The following ACSM1 variants were observed in gnomAD, a reference collection of about 807,000 sequenced individuals.
The protein encoded by ACSM1 is acyl-CoA synthetase medium chain family member 1.
In ACSM1, 79 loss-of-function variants were observed where a neutral mutation model predicts 75.8. That is an observed-to-expected ratio of 1.04 (90% CI 0.87 to 1.26). The LOEUF is 1.26. Among genes scored for constraint, ACSM1 ranks in the 50% most tolerant of loss-of-function variants. ACSM1 has a pLI of 0.00. For missense variants in ACSM1, 676 were observed against 720.1 expected (o/e 0.94, Z 0.70); for synonymous variants, 279 against 265.8 (o/e 1.05, Z -0.48).
At chr16:20,687,750 CAA>C (rs2079578956) in intron 2 of ACSM1, among the ~76,000 whole-genome samples, 1 of 151,944 alleles carries the variant, frequency 6.6e-6, no homozygotes, top group African/African-American at 2.4e-5. Flanking sequence ...TATATATGAA[CAA>C]AATAACAATA....
intron 7 of ACSM1, among the ~76,000 whole-genome samples, chr16:20,645,412 GA>G (rs1327049096): frequency 1.3e-5 from 2 of 152,182 alleles, no homozygotes; most frequent in Non-Finnish European, 2.9e-5. Context: ...GTATTCTGGA[GA>G]ATTCAGGCCA....
Position 20,676,626 on chromosome 16 carries a change from G to C in ACSM1, c.612-4955C>G, listed in dbSNP as rs540043048. Among the ~76,000 whole-genome samples the C allele has an allele frequency of 1.0e-3, 152 of 152,270 alleles. 1 individual carries two copies. The highest frequency in any genetic ancestry group is 3.5e-3 in the African/African-American group (146 of 41,544). On this transcript the variant is annotated intron_variant, in intron 4 of 13. Coordinates refer to ENST00000520010, the MANE Select transcript of ACSM1 (RefSeq NM_001318890.3). ...AGGAGGCAGAGAAGAAAGCTGATCA[G>C]AGGCTTAACAAAGGCTAATTTACTA...
chr16:20,664,154 T>TTTAC (rs1254382014), intron 6 of ACSM1, among the ~76,000 whole-genome samples: 2 of 150,294 alleles, frequency 1.3e-5, no homozygotes, highest in African/African-American at 4.9e-5. Flanking sequence ...ATAGTATTTA[T>TTTAC]TTATTTATTT....
intron 10 of ACSM1, among the ~76,000 whole-genome samples, chr16:20,629,955 G>A (rs947213417): frequency 7.2e-5 from 10 of 139,136 alleles, no homozygotes; most frequent in Non-Finnish European, 1.5e-4. Context: ...TCGCACCACT[G>A]CACTGCAGCC....
At chr16:20,693,922 G>A (rs2079676217) in intron 1 of ACSM1, among the ~76,000 whole-genome samples, 1 of 152,142 alleles carries the variant, frequency 6.6e-6, no homozygotes, top group African/African-American at 2.4e-5. Context: ...TCTCTTAAAA[G>A]CAAAATTTAT....
intron 11 of ACSM1, among the ~76,000 whole-genome samples, chr16:20,626,212 C>A (rs2152181519): frequency 6.6e-6 from 1 of 152,104 alleles, no homozygotes; most frequent in Non-Finnish European, 1.5e-5. Context: ...ATGGTGAAAC[C>A]CCATCTCTAC....
At chr16:20,695,445 A>C (rs1385837316) in intron 1 of ACSM1, among the ~76,000 whole-genome samples, 2 of 152,190 alleles carry the variant, frequency 1.3e-5, no homozygotes, top group Non-Finnish European at 2.9e-5. Context: ...CAGAGGAAAA[A>C]AATTTCCTTA....
At chr16:20,645,671 T>A (rs190121881) in intron 7 of ACSM1, among the ~76,000 whole-genome samples, 3 of 152,272 alleles carry the variant, frequency 2.0e-5, no homozygotes, top group Non-Finnish European at 2.9e-5. Flanking sequence ...AATGATAGGA[T>A]GACAACAGAG....
At chr16:20,637,874 C>T (rs988272755) in intron 8 of ACSM1, among the ~76,000 whole-genome samples, 1 of 152,224 alleles carries the variant, frequency 6.6e-6, no homozygotes, top group Non-Finnish European at 1.5e-5. Context: ...GATTCTGCCA[C>T]AACTTCTTGA....
intron 7 of ACSM1, among the ~76,000 whole-genome samples, chr16:20,650,931 C>T (rs2018611488): frequency 6.6e-6 from 1 of 152,144 alleles, no homozygotes; most frequent in Non-Finnish European, 1.5e-5. Context: ...GAGATAAAAA[C>T]CACCATTTGG....
At position 20,640,485 on chromosome 16, in the gene ACSM1, G is replaced by T. The variant is rs753469023; in HGVS notation, c.1092C>A (p.Tyr364Ter). The T allele has an allele frequency of 2.5e-6, 4 of 1,613,998 alleles. No individual in the cohort carries two copies. Among genetic ancestry groups the T allele is most frequent in the Non-Finnish European group, 3.4e-6 (4 of 1,180,024 alleles). ...CCGTTTCCGACTGCCCATAGTTCTC[G>T]TAGAGCAGAAGGCCCGTCCGTCTTT... ...EWKRRTGLLL[Y>*]ENYGQSETGL... Residue 364 changes from tyrosine to a stop codon, truncating the protein, a stop_gained, in exon 8 of 14, where the codon TAC becomes TAA. Transcript: ENST00000520010. LOFTEE classifies it high-confidence loss of function.
chr16:20,659,728 C>A (rs1401755386), intron 7 of ACSM1, among the ~76,000 whole-genome samples: 1 of 152,078 alleles, frequency 6.6e-6, no homozygotes, highest in Non-Finnish European at 1.5e-5. Context: ...AACTAAGAAC[C>A]AGGCACCCCT....
chr16:20,644,578 C>T (rs553473022), intron 7 of ACSM1, among the ~76,000 whole-genome samples: 15 of 142,258 alleles, frequency 1.1e-4, no homozygotes, highest in African/African-American at 3.6e-4. Flanking sequence ...CACACACACA[C>T]ATAATGGGTA....
At chr16:20,645,962 A>T (rs533834804) in intron 7 of ACSM1, among the ~76,000 whole-genome samples, 1 of 152,244 alleles carries the variant, frequency 6.6e-6, no homozygotes. Flanking sequence ...CTAATCTTAA[A>T]GGATAAGTTT....
chr16:20,636,637 T>TTGAG (rs2017724076), intron 10 of ACSM1, 102 bp downstream of exon 10: 1 of 791,728 alleles, frequency 1.3e-6, no homozygotes, highest in Non-Finnish European at 2.1e-6. Flanking sequence ...ATTCATTTCA[T>TTGAG]TGAGTTAGAG....
At chr16:20,665,602 T>A (rs1004414964) in intron 6 of ACSM1, among the ~76,000 whole-genome samples, 1 of 149,330 alleles carries the variant, frequency 6.7e-6, no homozygotes, top group African/African-American at 2.6e-5. Flanking sequence ...ATCCAAAAGA[T>A]TAAGGAGAAG....
intron 1 of ACSM1, among the ~76,000 whole-genome samples, chr16:20,691,849 G>A (rs1330049340): frequency 6.6e-6 from 1 of 150,572 alleles, no homozygotes; most frequent in African/African-American, 2.5e-5. Flanking sequence ...CCCTCTGGTG[G>A]AATGCACATT....
intron 7 of ACSM1, among the ~76,000 whole-genome samples, chr16:20,642,719 G>A (rs1035914220): frequency 1.1e-4 from 17 of 152,174 alleles, no homozygotes; most frequent in African/African-American, 2.7e-4. Flanking sequence ...CTATGACAAC[G>A]TAATAGATCA....
Position 20,627,173 on chromosome 16 carries a change from C to A in ACSM1, c.1427+16G>T. Reference sequence around the variant, plus strand: ...GTGACGGCAACAACAGCCAGCCCAGCATCAGCCACACCTACCCAGAGGCAT... The same window carrying A: ...GTGACGGCAACAACAGCCAGCCCAGAATCAGCCACACCTACCCAGAGGCAT... On this transcript the variant is annotated intron_variant, in intron 11 of 13. Coordinates refer to ENST00000520010, the MANE Select transcript of ACSM1 (RefSeq NM_001318890.3). 1 of 1,518,366 alleles carries A rather than the reference C, an allele frequency of 6.6e-7. No individual in the cohort carries two copies. The highest frequency in any genetic ancestry group is 2.4e-5 in the Admixed American group (1 of 42,310). 94.1% of individuals were successfully genotyped at this position (1,518,366 alleles called of 1,614,324 possible). A position where few individuals can be genotyped will look rare whatever the true frequency, so the allele number is the denominator to read the frequency against.
Sources: allele counts gnomAD v4.1 joint callset (sites outside exome capture counted in the v4.1 genomes callset), GRCh38; gene constraint gnomAD v4.1.1; transcripts MANE v1.5; gene names NCBI Gene and HGNC (gene_info 2026-07-23, HGNC 2026-07-21).